The following SGCZ variants were observed in gnomAD, a reference collection of about 807,000 sequenced individuals.
SGCZ encodes the protein zeta-sarcoglycan.
In SGCZ, 40 loss-of-function variants were observed where a neutral mutation model predicts 41.3. The observed-to-expected ratio is 0.97, with a 90% confidence interval of 0.75 to 1.26. The LOEUF (loss-of-function observed/expected upper bound fraction) is 1.26. Ranked by LOEUF, SGCZ falls within the 50% of genes most tolerant of loss-of-function variation. The probability of loss-of-function intolerance (pLI) is 0.00; values close to 1 mark genes in which losing one functional copy is unlikely to be tolerated. For synonymous variants in SGCZ, 206 were observed against 137.5 expected, an observed-to-expected ratio of 1.50 and a Z score of -3.49; for missense variants, 552 against 369.8, an observed-to-expected ratio of 1.49 and a Z score of -4.04.
chr8:15,078,772 T>G (rs1194617675), intron 1 of SGCZ, among the ~76,000 whole-genome samples: 1 of 152,070 alleles, frequency 6.6e-6, no homozygotes, highest in Non-Finnish European at 1.5e-5. Context: ...CACTATATGG[T>G]CTTTGACTTA....
intron 1 of SGCZ, among the ~76,000 whole-genome samples, chr8:15,206,813 C>T (rs930154648): frequency 2.6e-5 from 4 of 151,690 alleles, no homozygotes; most frequent in East Asian, 1.9e-4. Flanking sequence ...TCTAAGATTT[C>T]GTTCATAATG....
At chr8:15,009,745 A>G (rs752087114) in intron 1 of SGCZ, among the ~76,000 whole-genome samples, 2 of 152,318 alleles carry the variant, frequency 1.3e-5, no homozygotes, top group Middle Eastern at 6.8e-3. Context: ...TCATATCTAT[A>G]TGAGACCTAT....
chr8:14,742,312 C>T (rs1476601239), intron 1 of SGCZ, among the ~76,000 whole-genome samples: 2 of 151,872 alleles, frequency 1.3e-5, no homozygotes, highest in Admixed American at 6.6e-5. Flanking sequence ...TGCACGCGCG[C>T]TCACACACAC....
Position 14,280,642 on chromosome 8 carries a change from A to G in SGCZ, c.337-42963T>C, listed in dbSNP as rs17118935. Among the ~76,000 whole-genome samples the G allele has an allele frequency of 6.5e-3, 992 of 152,062 alleles. 16 individuals are homozygous for G. The highest frequency in any genetic ancestry group is 0.023 in the African/African-American group (965 of 41,546). The stretch of plus-strand genomic sequence containing the variant: ...TTATACTAGCTTTCTAAATATTAAG[A>G]AATGGCAGTACAATCATTACTATTA... On this transcript the variant is annotated intron_variant, in intron 3 of 7. Transcript: ENST00000382080.
At chr8:14,684,198 T>C (rs565147545) in intron 1 of SGCZ, among the ~76,000 whole-genome samples, 28 of 152,272 alleles carry the variant, frequency 1.8e-4, no homozygotes, top group African/African-American at 6.5e-4. Flanking sequence ...CTCACTCCCT[T>C]CATAATGCAA....
intron 1 of SGCZ, among the ~76,000 whole-genome samples, chr8:14,937,261 G>T (rs1047892860): frequency 6.8e-6 from 1 of 146,448 alleles, no homozygotes; most frequent in Non-Finnish European, 1.5e-5. Context: ...TTTTAAAAAT[G>T]TTGCATTTAA....
intron 3 of SGCZ, among the ~76,000 whole-genome samples, chr8:14,271,571 G>A (rs1032113134): frequency 6.6e-6 from 1 of 152,200 alleles, no homozygotes; most frequent in Non-Finnish European, 1.5e-5. Flanking sequence ...GAACAAACCT[G>A]AGTTTCCTGT....
At chr8:14,534,417 C>T (rs1223581511) in intron 2 of SGCZ, among the ~76,000 whole-genome samples, 1 of 151,978 alleles carries the variant, frequency 6.6e-6, no homozygotes, top group African/African-American at 2.4e-5. Context: ...CTAAGTAGAA[C>T]TGTATATTTA....
At chr8:14,541,463 G>C (rs1361949902) in intron 2 of SGCZ, among the ~76,000 whole-genome samples, 1 of 152,074 alleles carries the variant, frequency 6.6e-6, no homozygotes, top group Non-Finnish European at 1.5e-5. Flanking sequence ...TCCCCGCAAA[G>C]GACATGAACT....
At chr8:15,098,701 T>G (rs1381546165) in intron 1 of SGCZ, among the ~76,000 whole-genome samples, 1 of 152,190 alleles carries the variant, frequency 6.6e-6, no homozygotes, top group Non-Finnish European at 1.5e-5. Context: ...TTCTCTCTCC[T>G]ACAGAAATAA....
At chr8:14,927,779 T>A (rs1420742081) in intron 1 of SGCZ, among the ~76,000 whole-genome samples, 2 of 152,184 alleles carry the variant, frequency 1.3e-5, no homozygotes, top group Non-Finnish European at 2.9e-5. Flanking sequence ...GGCATGGTCT[T>A]GCCTTATTAA....
chr8:14,697,502 T>C (rs938567356), intron 1 of SGCZ, among the ~76,000 whole-genome samples: 4 of 152,054 alleles, frequency 2.6e-5, no homozygotes, highest in Admixed American at 2.0e-4. Flanking sequence ...ACACAAAAGG[T>C]GCAATCCATG....
At chr8:14,532,322 C>A (rs997302621) in intron 2 of SGCZ, among the ~76,000 whole-genome samples, 2 of 152,002 alleles carry the variant, frequency 1.3e-5, no homozygotes, top group African/African-American at 4.8e-5. Flanking sequence ...TCCAGTAAAG[C>A]TGAATGGAGT....
chr8:15,196,993 T>A (rs1284425946), intron 1 of SGCZ, among the ~76,000 whole-genome samples: 2 of 152,208 alleles, frequency 1.3e-5, no homozygotes, highest in Admixed American at 1.3e-4. Context: ...AGAGCAATAG[T>A]CCCAGAGTGC....
intron 3 of SGCZ, chr8:14,319,388 A>G (rs2117020340): frequency 6.6e-6 from 1 of 152,198 alleles, no homozygotes; most frequent in South Asian, 2.1e-4. Context: ...ACACTCCCAG[A>G]AAAGCATAAA....
At chr8:14,271,498 A>T (rs1465745468) in intron 3 of SGCZ, among the ~76,000 whole-genome samples, 1 of 152,192 alleles carries the variant, frequency 6.6e-6, no homozygotes, top group Non-Finnish European at 1.5e-5. Context: ...CCAACAGGAG[A>T]TATTTAGGAA....
chr8:15,110,291 T>A (rs1353207364), intron 1 of SGCZ, among the ~76,000 whole-genome samples: 2 of 152,196 alleles, frequency 1.3e-5, no homozygotes, highest in Non-Finnish European at 2.9e-5. Context: ...ACAGTGTCAG[T>A]ATTATCTGAA....
At chr8:14,384,114 C>T (rs746446477) in intron 2 of SGCZ, among the ~76,000 whole-genome samples, 1 of 151,944 alleles carries the variant, frequency 6.6e-6, no homozygotes, top group Non-Finnish European at 1.5e-5. Context: ...ATCCCTCCCA[C>T]CTCCCGCTAC....
At chr8:14,701,817 C>A (rs975259255) in intron 1 of SGCZ, among the ~76,000 whole-genome samples, 2 of 151,922 alleles carry the variant, frequency 1.3e-5, no homozygotes, top group African/African-American at 4.8e-5. Flanking sequence ...CCCACCCAAG[C>A]AAGATTTCTT....
Sources: allele counts gnomAD v4.1 joint callset (sites outside exome capture counted in the v4.1 genomes callset), GRCh38; gene constraint gnomAD v4.1.1; transcripts MANE v1.5; gene names NCBI Gene and HGNC (gene_info 2026-07-23, HGNC 2026-07-21).